Variants in RDM1 observed in about 807,000 individuals in gnomAD.
RDM1 encodes the protein RAD52 motif-containing protein 1.
A neutral mutation model predicts 27.7 loss-of-function variants in RDM1; 28 were observed. The observed-to-expected ratio is 1.01, with a 90% CI of 0.75 to 1.39. RDM1 has a LOEUF of 1.39. Among genes scored for constraint, RDM1 ranks in the 40% most tolerant of loss-of-function variants. RDM1 has a pLI of 0.00. For missense variants in RDM1, 277 were observed against 337.3 expected, an observed-to-expected ratio of 0.82 and a Z score of 1.40; for synonymous variants, 124 against 127.5, an observed-to-expected ratio of 0.97 and a Z score of 0.19.
At position 35,925,537 on chromosome 17, in the gene RDM1, C is replaced by G. The variant is rs1278090979; in HGVS notation, c.377G>C (p.Gly126Ala). 28 of 1,613,528 alleles carry G rather than the reference C, an allele frequency of 1.7e-5. No homozygotes were observed. The East Asian group carries it at 6.0e-4, about 35-fold the overall frequency. The change falls in exon 3 of 7, where the codon GGG (glycine) becomes GCG (alanine). Residue 126 changes from glycine to alanine, a missense_variant. By Grantham distance (60) the Gly-to-Ala change is moderately conservative. Coordinates refer to ENST00000620284, the MANE Select transcript of RDM1 (RefSeq NM_145654.4). Reference protein sequence around the residue: ...ELANYYFGFNGCSKRIIKLQE... With the variant: ...ELANYYFGFNACSKRIIKLQE... ...TACCTTGATGATCCTTTTGGAACAC[C>G]CATTGAAACCAAAGTAGTAATTCGC... is the stretch of plus-strand genomic sequence containing the variant.
chr17:35,920,350 G>C lies in RDM1; in HGVS notation c.668-78C>G, dbSNP rs898513728. ...CCTGCATATAATGGTAGCACCCCAT[G>C]ATGAAACATTGTTTTGGTTTCTAAA... On this transcript the variant is annotated intron_variant, in intron 5 of 6. Coordinates refer to ENST00000620284, the MANE Select transcript of RDM1 (RefSeq NM_145654.4). 1.3e-5 allele frequency: 8 copies of C among 612,950 alleles called. 1 individual carries two copies. Among genetic ancestry groups the C allele is most frequent in the Admixed American group, 2.9e-5 (1 of 34,828 alleles). 38.0% of individuals were successfully genotyped at this position (612,950 alleles called of 1,614,324 possible).
At chr17:35,926,130 CAAA>C (rs200784841) in intron 2 of RDM1, among the ~76,000 whole-genome samples, 25 of 104,028 alleles carry the variant, frequency 2.4e-4, no homozygotes, top group Admixed American at 4.8e-4. Flanking sequence ...GAGACTGTCT[CAAA>C]AAAAAAAAAA....
At chr17:35,922,696 T>C in intron 4 of RDM1, 21 bp from the exon 5 acceptor site, 2 of 1,568,140 alleles carry the variant, frequency 1.3e-6, no homozygotes, top group Non-Finnish European at 8.6e-7. Flanking sequence ...CCAAAACAAA[T>C]GGATTTAAGG....
chr17:35,925,561 G>A lies in RDM1; in HGVS notation c.353C>T (p.Ala118Val), dbSNP rs150971295. Reference sequence around the variant, plus strand: ...CCCATTGAAACCAAAGTAGTAATTCGCCAGTTCTTGGCATTTGGAACTGTT... The same window carrying A: ...CCCATTGAAACCAAAGTAGTAATTCACCAGTTCTTGGCATTTGGAACTGTT... The part of the protein sequence containing the change: ...ALNSSKCQEL[A>V]NYYFGFNGCS... Residue 118 changes from alanine to valine, a missense_variant, in exon 3 of 7, where the codon GCG becomes GTG. Coordinates refer to ENST00000620284, the MANE Select transcript of RDM1 (RefSeq NM_145654.4). 4.0e-5 allele frequency: 65 copies of A among 1,613,838 alleles called. 1 individual carries two copies. Among genetic ancestry groups the A allele is most frequent in the Middle Eastern group, 1.7e-4 (1 of 5,986 alleles).
intron 2 of RDM1, among the ~76,000 whole-genome samples, chr17:35,928,694 G>A (rs1254821425): frequency 1.3e-5 from 2 of 151,202 alleles, no homozygotes; most frequent in African/African-American, 4.9e-5. Context: ...CCCGGGAGGC[G>A]GAGGTTGTGG....
chr17:35,922,479 GC>G (rs1282876125), intron 5 of RDM1, 97 bp downstream of exon 5: 4 of 1,478,322 alleles, frequency 2.7e-6, no homozygotes, highest in Non-Finnish European at 3.7e-6. Context: ...ACTATAGAGT[GC>G]TTTAGATATC....
intron 6 of RDM1, 47 bp from the exon 7 acceptor site, chr17:35,918,490 G>C: frequency 2.0e-6 from 3 of 1,475,304 alleles, no homozygotes; most frequent in South Asian, 2.3e-5. Context: ...CGCACATTAC[G>C]GTCATTCATT....
chr17:35,918,285 G>T lies in RDM1; in HGVS notation c.*57C>A. The T allele has an allele frequency of 6.8e-7, 1 of 1,470,582 alleles. No individual in the cohort carries two copies. The highest frequency in any genetic ancestry group is 9.5e-7 in the Non-Finnish European group (1 of 1,053,740). 91.1% of individuals were successfully genotyped at this position (1,470,582 alleles called of 1,614,324 possible). A position where few individuals can be genotyped will look rare whatever the true frequency, so the allele number is the denominator to read the frequency against. ...AGTGGTGGGGCGGCGTGGGGTAGGG[G>T]CACGACAGAGCTTCCCAAGGAAGTT... On this transcript the variant is annotated 3_prime_UTR_variant, in exon 7 of 7. Coordinates refer to ENST00000620284, the MANE Select transcript of RDM1 (RefSeq NM_145654.4).
At chr17:35,926,436 C>T (rs1313451273) in intron 2 of RDM1, among the ~76,000 whole-genome samples, 2 of 151,748 alleles carry the variant, frequency 1.3e-5, no homozygotes, top group African/African-American at 4.8e-5. Context: ...CGGAGTCTCG[C>T]TCTGTCACCC....
chr17:35,924,545 A>C lies in RDM1; in HGVS notation c.568+59T>G. On this transcript the variant is annotated intron_variant, in intron 4 of 6. Coordinates refer to ENST00000620284, the MANE Select transcript of RDM1 (RefSeq NM_145654.4). ...AGATGAGTTTTGGAAAGTAAGAAAA[A>C]AAGAAAGATCCTTTCCACTCCAAAT... The C allele has an allele frequency of 2.0e-6, 3 of 1,522,916 alleles. No homozygotes were observed. The South Asian group carries it at 3.8e-5, about 19-fold the overall frequency. The allele number at this position is 1,522,916 out of a possible 1,614,324, so 94.3% of individuals were successfully genotyped here.
chr17:35,926,458 C>T (rs1288474153), intron 2 of RDM1, among the ~76,000 whole-genome samples: 4 of 151,782 alleles, frequency 2.6e-5, no homozygotes, highest in Non-Finnish European at 1.5e-5. Context: ...GGCTGGAGTG[C>T]AGTGGCGCGA....
Position 35,918,383 on chromosome 17 carries a change from T to C in RDM1, c.814A>G (p.Ser272Gly). Reference sequence around the variant, plus strand: ...AGCCTGAACTCTTCCTCCTCCAAGCTGAAATCCGAGAGATACCCTTCCTCC... The same window carrying C: ...AGCCTGAACTCTTCCTCCTCCAAGCCGAAATCCGAGAGATACCCTTCCTCC... ...QEEEGYLSDF[S>G]LEEEEFRLPE... Residue 272 changes from serine (S) to glycine (G), a missense_variant, in exon 7 of 7, where the codon AGC (serine) becomes GGC (glycine). Coordinates refer to ENST00000620284, the MANE Select transcript of RDM1 (RefSeq NM_145654.4). The C allele has an allele frequency of 6.2e-7, 1 of 1,614,076 alleles. No homozygotes were observed. Among genetic ancestry groups the C allele is most frequent in the Non-Finnish European group, 8.5e-7 (1 of 1,180,018 alleles).
At chr17:35,923,222 A>C (rs558705292) in intron 4 of RDM1, among the ~76,000 whole-genome samples, 1 of 151,990 alleles carries the variant, frequency 6.6e-6, no homozygotes, top group South Asian at 2.1e-4. Flanking sequence ...GTGGTGGCAC[A>C]CATGTGTAAT....
chr17:35,925,808 C>T (rs921109470), intron 2 of RDM1, among the ~76,000 whole-genome samples, 171 bp from the exon 3 acceptor site: 1 of 152,108 alleles, frequency 6.6e-6, no homozygotes, highest in Non-Finnish European at 1.5e-5. Context: ...GAACCCACCA[C>T]CCATCCCCCT....
At chr17:35,924,815 G>A (rs112470915) in intron 3 of RDM1, 43 bp from the exon 4 acceptor site, 1 of 1,580,870 alleles carries the variant, frequency 6.3e-7, no homozygotes. Flanking sequence ...GGGTCTTAAT[G>A]TAGGCTTCAA....
intron 2 of RDM1, among the ~76,000 whole-genome samples, chr17:35,928,728 C>T (rs1243235735): frequency 6.6e-6 from 1 of 150,780 alleles, no homozygotes; most frequent in African/African-American, 2.4e-5. Context: ...CACCATTGCA[C>T]TCCAGCCTGG....
Position 35,922,817 on chromosome 17 carries a change from GGCTCT to G in RDM1, c.569-147_569-143del. 3 of 640,090 alleles carry G rather than the reference GGCTCT, an allele frequency of 4.7e-6. No homozygotes were observed. In the South Asian group the frequency reaches 6.8e-5, roughly 15 times the overall value. The allele number at this position is 640,090 out of a possible 1,614,324, so 39.7% of individuals were successfully genotyped here. On this transcript the variant is annotated intron_variant, in intron 4 of 6. Coordinates refer to ENST00000620284, the MANE Select transcript of RDM1 (RefSeq NM_145654.4). ...AGATGGCACAAGCGTATGGTTGAATGGCTCTGTTATAGGTACATCCTGGCAGGGCC... is the reference window on the plus strand; with the variant it reads ...AGATGGCACAAGCGTATGGTTGAATGGTTATAGGTACATCCTGGCAGGGCC...
intron 5 of RDM1, among the ~76,000 whole-genome samples, chr17:35,921,294 T>C (rs2088936088): frequency 6.6e-6 from 1 of 152,226 alleles, no homozygotes; most frequent in Non-Finnish European, 1.5e-5. Context: ...AGTAAGACTT[T>C]CACTAGAAGG....
intron 5 of RDM1, 154 bp downstream of exon 5, chr17:35,922,423 C>A (rs551013443): frequency 1.0e-6 from 1 of 956,068 alleles, no homozygotes; most frequent in Non-Finnish European, 1.5e-6. Context: ...TCACACAGAA[C>A]AAATTTGAGC....
Sources: gnomAD v4.1 joint callset for allele counts (sites outside exome capture counted in the v4.1 genomes callset) on GRCh38, gnomAD v4.1.1 for gene constraint, MANE v1.5 for transcripts, NCBI Gene and HGNC (gene_info 2026-07-23, HGNC 2026-07-21) for gene names.